Variants in LMO7 observed in about 807,000 individuals in gnomAD.
LMO7 encodes LIM domain 7.
A neutral mutation model predicts 206.5 loss-of-function variants in LMO7; 120 were observed. That is an observed-to-expected ratio of 0.58 (90% confidence interval 0.50 to 0.68). The LOEUF is 0.68. Among genes scored for constraint, LMO7 ranks in the 30% least tolerant of loss-of-function variants. The pLI is 0.00. For missense variants in LMO7, 1,959 were observed against 1,957.9 expected (o/e 1.00, Z -0.01); for synonymous variants, 706 against 681.5 (o/e 1.04, Z -0.56).
chr13:75,648,036 T>G lies in LMO7; in HGVS notation c.69+11310T>G, dbSNP rs983082542. Among the ~76,000 whole-genome samples, 3 of 142,724 alleles carry G rather than the reference T, an allele frequency of 2.1e-5. No homozygotes were observed. The Admixed American group carries it at 2.3e-4, about 11-fold the overall frequency. The allele number at this position is 142,724 out of a possible 152,430, so 93.6% of individuals were successfully genotyped here. On this transcript the variant is annotated intron_variant, in intron 1 of 30. Coordinates refer to ENST00000377534, the MANE Select transcript of LMO7 (RefSeq NM_001306080.2). ...AATCATAGCTGACTACAGGCTTGAA[T>G]TCCTGGGCTCAACTGATCCTCCTGT... is the stretch of plus-strand genomic sequence containing the variant.
chr13:75,744,163 A>G (rs1282904218), intron 3 of LMO7, among the ~76,000 whole-genome samples: 1 of 152,190 alleles, frequency 6.6e-6, no homozygotes, highest in African/African-American at 2.4e-5. Context: ...GTCTGCCTCT[A>G]TCTCTTCCAT....
intron 1 of LMO7, among the ~76,000 whole-genome samples, chr13:75,689,459 G>A (rs984105218): frequency 6.6e-6 from 1 of 151,986 alleles, no homozygotes; most frequent in African/African-American, 2.4e-5. Context: ...TTAATATTGA[G>A]TGTCAACTTG....
intron 10 of LMO7, among the ~76,000 whole-genome samples, chr13:75,808,613 A>G (rs2055878375): frequency 1.3e-5 from 2 of 152,274 alleles, no homozygotes; most frequent in South Asian, 2.1e-4. Flanking sequence ...AAAATATGGC[A>G]TTGCAAATTT....
In LMO7 at chr13:75,821,379, C is replaced by A. The variant is rs775970006; in HGVS notation, c.2410C>A (p.Arg804Ser). Residue 804 changes from arginine (R) to serine (S), a missense_variant, in exon 14 of 31, where the codon CGT becomes AGT. By Grantham distance (110) the Arg-to-Ser change is moderately radical. Transcript: ENST00000377534. ...TACCACTTTTGCAAAAAGAGAGGACCGTGTAACAACTGAAATTCAGCTTCC... is the reference window on the plus strand; with the variant it reads ...TACCACTTTTGCAAAAAGAGAGGACAGTGTAACAACTGAAATTCAGCTTCC... The part of the protein sequence containing the change: ...DSTTFAKRED[R>S]VTTEIQLPSQ... The A allele has an allele frequency of 3.7e-6, 6 of 1,613,992 alleles. No individual in the cohort carries two copies. The highest frequency in any genetic ancestry group is 5.1e-6 in the Non-Finnish European group (6 of 1,179,932).
intron 4 of LMO7, among the ~76,000 whole-genome samples, chr13:75,786,200 C>T (rs1355332795): frequency 6.6e-6 from 1 of 152,140 alleles, no homozygotes; most frequent in Non-Finnish European, 1.5e-5. Context: ...GAATAGTCCA[C>T]ATAATGATTG....
In LMO7 at chr13:75,845,942, A is replaced by G. The variant is rs1312153798; in HGVS notation, c.4150+563A>G. Among the ~76,000 whole-genome samples, 5 of 152,206 alleles carry G rather than the reference A, an allele frequency of 3.3e-5. No individual in the cohort carries two copies. The East Asian group carries it at 9.6e-4, about 29-fold the overall frequency. On this transcript the variant is annotated intron_variant, in intron 26 of 30. Coordinates refer to ENST00000377534, the MANE Select transcript of LMO7 (RefSeq NM_001306080.2). Reference sequence around the variant, plus strand: ...GCAGGGTTTGCATATCAGGATTTGCATAAGCAGGCGGCTGGTCATTTACAT... The same window carrying G: ...GCAGGGTTTGCATATCAGGATTTGCGTAAGCAGGCGGCTGGTCATTTACAT...
At chr13:75,684,710 G>A (rs2040832000) in intron 1 of LMO7, among the ~76,000 whole-genome samples, 1 of 151,996 alleles carries the variant, frequency 6.6e-6, no homozygotes, top group Admixed American at 6.6e-5. Flanking sequence ...TGGCAGGGCT[G>A]GAATTGAAAC....
intron 4 of LMO7, among the ~76,000 whole-genome samples, chr13:75,763,085 C>T (rs1353905501): frequency 6.6e-6 from 1 of 152,106 alleles, no homozygotes; most frequent in Non-Finnish European, 1.5e-5. Context: ...CTTGTCCTGT[C>T]ATTATTGTAG....
At chr13:75,814,219 A>G (rs923692340) in intron 11 of LMO7, among the ~76,000 whole-genome samples, 6 of 152,254 alleles carry the variant, frequency 3.9e-5, no homozygotes, top group African/African-American at 1.2e-4. Flanking sequence ...TACAAAAAGA[A>G]TTAGAAACAT....
chr13:75,650,888 C>T (rs1420132535), intron 1 of LMO7, among the ~76,000 whole-genome samples: 1 of 152,078 alleles, frequency 6.6e-6, no homozygotes, highest in East Asian at 1.9e-4. Context: ...GAGGAGTCAA[C>T]TTTAAGATCT....
At chr13:75,794,102 G>A (rs1007924880) in intron 4 of LMO7, among the ~76,000 whole-genome samples, 3 of 152,196 alleles carry the variant, frequency 2.0e-5, no homozygotes, top group Non-Finnish European at 4.4e-5. Flanking sequence ...GCGATGAATA[G>A]TGCTGTGATA....
rs752239648 is a variant in LMO7, at chr13:75,841,211, G to A, written c.3675+10G>A. 6.4e-7 allele frequency: 1 copy of A among 1,558,944 alleles called. No homozygotes were observed. The highest frequency in any genetic ancestry group is 1.1e-5 in the South Asian group (1 of 88,328). Reference sequence around the variant, plus strand: ...CAAGTACTTGGATGAGGTAGTGTTAGAACATGCCTGTTTAGTTTTTCTTCT... The same window carrying A: ...CAAGTACTTGGATGAGGTAGTGTTAAAACATGCCTGTTTAGTTTTTCTTCT... On this transcript the variant is annotated intron_variant, in intron 23 of 30. Transcript: ENST00000377534.
chr13:75,782,589 A>G (rs1247457767), intron 4 of LMO7, among the ~76,000 whole-genome samples: 4 of 152,326 alleles, frequency 2.6e-5, no homozygotes, highest in South Asian at 2.1e-4. Flanking sequence ...AAACAACACA[A>G]ACTTACTCTC....
At position 75,838,321 on chromosome 13, in the gene LMO7, A is replaced by G. The variant is rs771889134; in HGVS notation, c.3451+125A>G. ...TTGTCTGTCATTATGACCAAGCGAC[A>G]TAACCCATTTCCATTCTTTCCCTAG... On this transcript the variant is annotated intron_variant, in intron 20 of 30. Coordinates refer to ENST00000377534, the MANE Select transcript of LMO7 (RefSeq NM_001306080.2). 13 of 1,538,480 alleles carry G rather than the reference A, an allele frequency of 8.4e-6. No homozygotes were observed. In the African/African-American group the frequency reaches 1.1e-4, roughly 13 times the overall value.
intron 1 of LMO7, among the ~76,000 whole-genome samples, chr13:75,682,666 C>G (rs1378041520): frequency 1.3e-5 from 2 of 152,164 alleles, no homozygotes; most frequent in Non-Finnish European, 2.9e-5. Flanking sequence ...TGAGAATACA[C>G]TTCTCAGAAA....
chr13:75,629,441 G>T (rs557803396), intron 2 of LMO7, among the ~76,000 whole-genome samples: 1 of 152,148 alleles, frequency 6.6e-6, no homozygotes, highest in East Asian at 1.9e-4. Context: ...GCCTCACCTC[G>T]CTCAGGAGGA....
chr13:75,713,936 G>A (rs2043317029), intron 2 of LMO7, among the ~76,000 whole-genome samples: 1 of 152,204 alleles, frequency 6.6e-6, no homozygotes, highest in South Asian at 2.1e-4. Context: ...GAGGCATAAG[G>A]ATGAAATCCT....
chr13:75,807,758 A>G lies in LMO7; in HGVS notation c.1475A>G (p.Asp492Gly), dbSNP rs1468367994. 4.3e-6 allele frequency: 7 copies of G among 1,613,996 alleles called. No individual in the cohort carries two copies. The highest frequency in any genetic ancestry group is 1.7e-5 in the Admixed American group (1 of 60,030). The change falls in exon 10 of 31, where the codon GAT becomes GGT. Residue 492 changes from aspartate to glycine, a missense_variant. Coordinates refer to ENST00000377534, the MANE Select transcript of LMO7 (RefSeq NM_001306080.2). ...EDFRKFSEQDDSVERDIILQC... is the reference protein window; with the variant it reads ...EDFRKFSEQDGSVERDIILQC... ...TTTAGAAAGTTCTCTGAGCAAGATGATTCTGTAGAGCGAGATATAATTTTA... is the reference window on the plus strand; with the variant it reads ...TTTAGAAAGTTCTCTGAGCAAGATGGTTCTGTAGAGCGAGATATAATTTTA...
chr13:75,760,373 A>C (rs2048056711), intron 3 of LMO7: 2 of 1,049,678 alleles, frequency 1.9e-6, no homozygotes, highest in Admixed American at 1.0e-4. Flanking sequence ...CCTCAGTCCT[A>C]TAGTATGGTT....
Sources: gnomAD v4.1 joint callset for allele counts (sites outside exome capture counted in the v4.1 genomes callset) on GRCh38, gnomAD v4.1.1 for gene constraint, MANE v1.5 for transcripts, NCBI Gene and HGNC (gene_info 2026-07-23, HGNC 2026-07-21) for gene names.